GALNTL6: variants seen among roughly 807,000 people sequenced by gnomAD.
The protein encoded by GALNTL6 is polypeptide N-acetylgalactosaminyltransferase-like 6.
In GALNTL6, 46 loss-of-function variants were observed where a neutral mutation model predicts 73.7. The observed-to-expected ratio is 0.62, with a 90% CI of 0.49 to 0.80. The LOEUF (loss-of-function observed/expected upper bound fraction) is 0.80. Ranked by LOEUF, GALNTL6 falls within the 30% of genes least tolerant of loss-of-function variation. The pLI is 0.00. For synonymous variants in GALNTL6, 259 were observed against 263.7 expected, an observed-to-expected ratio of 0.98 and a Z score of 0.17; for missense variants, 604 against 755.0, an observed-to-expected ratio of 0.80 and a Z score of 2.34.
chr4:173,013,346 C>G (rs1245657389), intron 11 of GALNTL6, among the ~76,000 whole-genome samples: 1 of 152,190 alleles, frequency 6.6e-6, no homozygotes, highest in East Asian at 1.9e-4. Context: ...CATCTCTATT[C>G]AACCCAACTA....
intron 4 of GALNTL6, among the ~76,000 whole-genome samples, chr4:172,326,411 T>G (rs1257195058): frequency 6.6e-6 from 1 of 152,002 alleles, no homozygotes; most frequent in East Asian, 1.9e-4. Context: ...CATTTTGGAT[T>G]GTTATGTCCT....
At chr4:172,983,451 T>C (rs1751160806) in intron 10 of GALNTL6, among the ~76,000 whole-genome samples, 1 of 152,174 alleles carries the variant, frequency 6.6e-6, no homozygotes, top group Non-Finnish European at 1.5e-5. Flanking sequence ...TCCCAGCACT[T>C]TGGGAGGCCA....
chr4:171,972,175 T>C (rs1213769604), intron 2 of GALNTL6, among the ~76,000 whole-genome samples: 1 of 152,124 alleles, frequency 6.6e-6, no homozygotes, highest in Non-Finnish European at 1.5e-5. Flanking sequence ...CAACTTGTAG[T>C]TTTGCAACAT....
chr4:171,894,990 G>T (rs958472359), intron 2 of GALNTL6, among the ~76,000 whole-genome samples: 1 of 152,210 alleles, frequency 6.6e-6, no homozygotes, highest in Non-Finnish European at 1.5e-5. Context: ...CAACAAAAAT[G>T]TGTGGTGGTG....
chr4:172,481,706 T>C (rs1733486695), intron 5 of GALNTL6, among the ~76,000 whole-genome samples: 1 of 152,150 alleles, frequency 6.6e-6, no homozygotes, highest in African/African-American at 2.4e-5. Flanking sequence ...AGAGCACTGA[T>C]TGGTGCATCC....
At chr4:172,401,951 GGGGAGA>G (rs1363952791) in intron 5 of GALNTL6, among the ~76,000 whole-genome samples, 32 of 99,658 alleles carry the variant, frequency 3.2e-4, no homozygotes, top group African/African-American at 1.2e-3. Context: ...AAGGGGGAGG[GGGGAGA>G]GAGAGAGAGA....
At chr4:172,790,042 T>G (rs989953377) in intron 5 of GALNTL6, among the ~76,000 whole-genome samples, 1 of 152,154 alleles carries the variant, frequency 6.6e-6, no homozygotes, top group African/African-American at 2.4e-5. Flanking sequence ...CCGAAATAGT[T>G]TTTTAACCTC....
intron 2 of GALNTL6, among the ~76,000 whole-genome samples, chr4:171,926,798 GAT>G (rs1226136001): frequency 2.0e-5 from 3 of 151,988 alleles, no homozygotes; most frequent in Non-Finnish European, 4.4e-5. Context: ...TTTCTGTTGA[GAT>G]ATATGTTTTC....
chr4:171,965,657 G>GAAAAAA lies in GALNTL6; in HGVS notation c.138+150949_138+150954dup, dbSNP rs10625618. On this transcript the variant is annotated intron_variant, in intron 2 of 12. Coordinates refer to ENST00000506823, the MANE Select transcript of GALNTL6 (RefSeq NM_001034845.3). ...GGCGACAGAGCGAGACTCCGTCTCA[G>GAAAAAA]AAAAAAAAAAAAAAAGAAGAAGAAG... is the stretch of plus-strand genomic sequence containing the variant. Among the ~76,000 whole-genome samples, 239 of 97,436 alleles carry GAAAAAA rather than the reference G, an allele frequency of 2.5e-3. 3 individuals are homozygous for GAAAAAA. The highest frequency in any genetic ancestry group is 2.8e-3 in the Admixed American group (22 of 7,814). The allele number at this position is 97,436 out of a possible 152,430, so 63.9% of individuals were successfully genotyped here. A position where few individuals can be genotyped will look rare whatever the true frequency, so the allele number is the denominator to read the frequency against.
intron 5 of GALNTL6, among the ~76,000 whole-genome samples, chr4:172,665,022 A>C (rs1303915320): frequency 6.6e-6 from 1 of 152,186 alleles, no homozygotes; most frequent in African/African-American, 2.4e-5. Context: ...TTTACAGAAA[A>C]TGTTTGCCAC....
chr4:172,138,759 G>A (rs546669261), intron 2 of GALNTL6, among the ~76,000 whole-genome samples: 323 of 150,530 alleles, frequency 2.1e-3, no homozygotes, highest in Non-Finnish European at 3.9e-3. Flanking sequence ...TCGATCTCCT[G>A]ACCTCATGAT....
chr4:172,957,530 A>G (rs1167336498), intron 10 of GALNTL6, among the ~76,000 whole-genome samples: 2 of 152,218 alleles, frequency 1.3e-5, no homozygotes, highest in Non-Finnish European at 2.9e-5. Flanking sequence ...TAGCTATCTT[A>G]TCAGCATAAG....
intron 5 of GALNTL6, among the ~76,000 whole-genome samples, chr4:172,476,312 A>C (rs1402259191): frequency 2.6e-5 from 4 of 152,198 alleles, no homozygotes; most frequent in African/African-American, 9.6e-5. Flanking sequence ...TTGCAAAGGC[A>C]CTAATTGCAT....
At chr4:172,046,998 G>A (rs1402437098) in intron 2 of GALNTL6, among the ~76,000 whole-genome samples, 1 of 152,206 alleles carries the variant, frequency 6.6e-6, no homozygotes, top group Non-Finnish European at 1.5e-5. Context: ...AGACGTCAAG[G>A]GGATGAGGTT....
chr4:172,718,439 G>A (rs1488398650), intron 5 of GALNTL6, among the ~76,000 whole-genome samples: 6 of 151,980 alleles, frequency 3.9e-5, no homozygotes, highest in Non-Finnish European at 7.4e-5. Context: ...CAAGACCAGC[G>A]TGGGTAACAC....
chr4:172,185,385 G>A (rs986340905), intron 2 of GALNTL6, among the ~76,000 whole-genome samples: 8 of 152,140 alleles, frequency 5.3e-5, no homozygotes, highest in Admixed American at 1.3e-4. Flanking sequence ...AAGGAAATAC[G>A]CTAAATGATC....
chr4:172,102,835 C>T (rs1489869050), intron 2 of GALNTL6, among the ~76,000 whole-genome samples: 3 of 152,142 alleles, frequency 2.0e-5, no homozygotes, highest in Admixed American at 6.5e-5. Flanking sequence ...ACCTCACTGT[C>T]ATGGGAACTT....
rs367892326 is a variant in GALNTL6 at position 172,553,527 on chromosome 4, G to A, written c.553+204838G>A. 5.3e-5 allele frequency among the ~76,000 whole-genome samples: 8 copies of A among 152,218 alleles called. No individual in the cohort carries two copies. The East Asian group carries it at 1.5e-3, about 29-fold the overall frequency. ...AAAAGATAGTCTTTTCACTTAAAAT[G>A]AGGAGTTAAATTTTGCCTTAAAATC... On this transcript the variant is annotated intron_variant, in intron 5 of 12. Coordinates refer to ENST00000506823, the MANE Select transcript of GALNTL6 (RefSeq NM_001034845.3).
At chr4:172,787,603 C>CCCAAATATTCCAATG (rs1279194217) in intron 5 of GALNTL6, among the ~76,000 whole-genome samples, 1 of 152,142 alleles carries the variant, frequency 6.6e-6, no homozygotes, top group Non-Finnish European at 1.5e-5. Flanking sequence ...AGATGGAATA[C>CCCAAATATTCCAATG]AGAGCCCAAA....
Sources: gnomAD v4.1 joint callset for allele counts (sites outside exome capture counted in the v4.1 genomes callset) on GRCh38, gnomAD v4.1.1 for gene constraint, MANE v1.5 for transcripts, NCBI Gene and HGNC (gene_info 2026-07-23, HGNC 2026-07-21) for gene names.